The following ZDHHC19 variants were observed in gnomAD, a reference collection of about 807,000 sequenced individuals.
The protein encoded by ZDHHC19 is zDHHC palmitoyltransferase 19.
In ZDHHC19, 30 loss-of-function variants were observed where a neutral mutation model predicts 33.9. The observed-to-expected ratio is 0.88, with a 90% CI of 0.66 to 1.20. The LOEUF is 1.20. Among genes scored for constraint, ZDHHC19 ranks in the 50% most tolerant of loss-of-function variants. The pLI is 0.00. For synonymous variants in ZDHHC19, 178 were observed against 167.6 expected (o/e 1.06, Z -0.48); for missense variants, 364 against 401.1 (o/e 0.91, Z 0.79).
chr3:196,209,560 AC>A, intron 2 of ZDHHC19, 45 bp from the exon 3 acceptor site: 3 of 1,593,912 alleles, frequency 1.9e-6, no homozygotes, highest in Non-Finnish European at 2.6e-6. Context: ...CCCTGCGGTC[AC>A]CCCGCGGCGG....
intron 5 of ZDHHC19, among the ~76,000 whole-genome samples, chr3:196,200,542 G>T (rs1722230352): frequency 6.7e-6 from 1 of 149,622 alleles, no homozygotes; most frequent in East Asian, 1.9e-4. Context: ...TTTTAGTAGA[G>T]ACGGGGTTTC....
chr3:196,198,192 A>C, intron 7 of ZDHHC19, 84 bp downstream of exon 7: 1 of 1,302,686 alleles, frequency 7.7e-7, no homozygotes, highest in Non-Finnish European at 9.9e-7. Context: ...GCCAAACCTC[A>C]GGGGCCTCCC....
intron 5 of ZDHHC19, among the ~76,000 whole-genome samples, chr3:196,201,052 T>C (rs1205647922): frequency 6.6e-6 from 1 of 151,700 alleles, no homozygotes; most frequent in Non-Finnish European, 1.5e-5. Flanking sequence ...TGATCTTTAA[T>C]AAATTCATAA....
chr3:196,208,339 T>G, intron 4 of ZDHHC19, 49 bp downstream of exon 4: 1 of 1,128,036 alleles, frequency 8.9e-7, no homozygotes, highest in Non-Finnish European at 1.2e-6. Context: ...TGCAGCCCCC[T>G]CCTTGGCTGT....
At position 196,199,923 on chromosome 3, in the gene ZDHHC19, C is replaced by T. The variant is rs187300804; in HGVS notation, c.688-1049G>A. ...TCATGCCACTGCACTCCAGCCTGGG[C>T]GACAGAGCGACACTCTGGCTCAGAA... is the stretch of plus-strand genomic sequence containing the variant. On this transcript the variant is annotated intron_variant, in intron 5 of 7. Coordinates refer to ENST00000296326, the MANE Select transcript of ZDHHC19 (RefSeq NM_001039617.2). Among the ~76,000 whole-genome samples the T allele has an allele frequency of 1.1e-4, 16 of 150,790 alleles. 2 individuals carry two copies. The highest frequency in any genetic ancestry group is 1.2e-4 in the African/African-American group (5 of 40,936).
intron 5 of ZDHHC19, 183 bp from the exon 6 acceptor site, chr3:196,199,057 C>A (rs1220864873): frequency 1.7e-6 from 1 of 582,826 alleles, no homozygotes; most frequent in Non-Finnish European, 3.1e-6. Flanking sequence ...TTGGTCTCCA[C>A]TGGCCACACA....
rs1247418510 is a variant in ZDHHC19, at chr3:196,198,434, A to C, written c.791T>G (p.Val264Gly). 17 of 1,563,684 alleles carry C rather than the reference A, an allele frequency of 1.1e-5. No individual in the cohort carries two copies. Among genetic ancestry groups the C allele is most frequent in the Non-Finnish European group, 1.5e-5 (17 of 1,154,490 alleles). ...PLGPKYMAEA[V>G]QLQRVVGPDW... ...AGGCCCCACCACTCTCTGCAGCTGGACAGCTTCAGCCATGTACCTGGGGAG... is the reference window on the plus strand; with the variant it reads ...AGGCCCCACCACTCTCTGCAGCTGGCCAGCTTCAGCCATGTACCTGGGGAG... Residue 264 changes from valine to glycine, a missense_variant, in exon 7 of 8, where the codon GTC becomes GGC. By Grantham distance (109) the Val-to-Gly change is moderately radical. Coordinates refer to ENST00000296326, the MANE Select transcript of ZDHHC19 (RefSeq NM_001039617.2).
At chr3:196,204,714 T>A (rs1202201630) in intron 5 of ZDHHC19, among the ~76,000 whole-genome samples, 1 of 152,186 alleles carries the variant, frequency 6.6e-6, no homozygotes, top group Non-Finnish European at 1.5e-5. Flanking sequence ...ACATCAAACG[T>A]TCGTAAGGAT....
At chr3:196,202,175 G>A (rs1722406261) in intron 5 of ZDHHC19, among the ~76,000 whole-genome samples, 1 of 152,094 alleles carries the variant, frequency 6.6e-6, no homozygotes, top group African/African-American at 2.4e-5. Flanking sequence ...AAAATTTTTA[G>A]TAGGGTGTGG....
Position 196,209,475 on chromosome 3 carries a change from C to T in ZDHHC19, c.309G>A (p.Trp103Ter). The T allele has an allele frequency of 5.0e-6, 8 of 1,612,680 alleles. No homozygotes were observed. The highest frequency in any genetic ancestry group is 6.8e-6 in the Non-Finnish European group (8 of 1,179,642). The stretch of plus-strand genomic sequence containing the variant: ...GCAGGCGGAAGGCCCCGTGGTTCAC[C>T]CACACCACGTGCACCGTCAAGGGGC... Reference protein sequence around the residue: ...EQGPLTVHVVWVNHGAFRLQW... With the variant: ...EQGPLTVHVV Residue 103 changes from tryptophan to a stop codon, truncating the protein, a stop_gained, in exon 3 of 8, where the codon TGG becomes TGA. Coordinates refer to ENST00000296326, the MANE Select transcript of ZDHHC19 (RefSeq NM_001039617.2). LOFTEE classifies it high-confidence loss of function.
In ZDHHC19 at chr3:196,208,546, G is replaced by C; in HGVS notation, c.423C>G (p.His141Gln). 2 of 1,614,100 alleles carry C rather than the reference G, an allele frequency of 1.2e-6. No homozygotes were observed. The highest frequency in any genetic ancestry group is 1.7e-6 in the Non-Finnish European group (2 of 1,179,984). ...CGATGCAGTTATTGACCCACTTGCA[G>C]TGGTGGTCAAAGTCCTGGGCGACAG... The part of the protein sequence containing the change: ...CNICVEDFDH[H>Q]CKWVNNCIGH... The change falls in exon 4 of 8, where the codon CAC becomes CAG. Residue 141 changes from histidine to glutamine, a missense_variant. Coordinates refer to ENST00000296326, the MANE Select transcript of ZDHHC19 (RefSeq NM_001039617.2).
At position 196,211,317 on chromosome 3, in the gene ZDHHC19, G is replaced by A. The variant is rs1723290902; in HGVS notation, c.-2C>T. The A allele has an allele frequency of 6.2e-7, 1 of 1,606,502 alleles. No homozygotes were observed. Among genetic ancestry groups the A allele is most frequent in the Non-Finnish European group, 8.5e-7 (1 of 1,175,542 alleles). ...CGTGGCATCCGTTAAGAGTGTCATGGCTGGGCCTCCTTCGCCTCCAGGGGA... is the reference window on the plus strand; with the variant it reads ...CGTGGCATCCGTTAAGAGTGTCATGACTGGGCCTCCTTCGCCTCCAGGGGA... On this transcript the variant is annotated 5_prime_UTR_variant, in exon 1 of 8. Coordinates refer to ENST00000296326, the MANE Select transcript of ZDHHC19 (RefSeq NM_001039617.2).
At position 196,209,363 on chromosome 3, in the gene ZDHHC19, G is replaced by A. The variant is rs572644044; in HGVS notation, c.408+13C>T. 2 of 1,589,264 alleles carry A rather than the reference G, an allele frequency of 1.3e-6. No homozygotes were observed. The highest frequency in any genetic ancestry group is 2.7e-5 in the African/African-American group (2 of 74,554). ...TGGGGCGATGGCTGGTGGACAGGTAGAGGGGCACTCACCTCCACACAGATG... is the reference window on the plus strand; with the variant it reads ...TGGGGCGATGGCTGGTGGACAGGTAAAGGGGCACTCACCTCCACACAGATG... On this transcript the variant is annotated intron_variant, in intron 3 of 7. Transcript: ENST00000296326.
intron 5 of ZDHHC19, among the ~76,000 whole-genome samples, chr3:196,200,327 G>GATATATATATATATATATATGTAT (rs374551956): frequency 1.7e-5 from 2 of 116,798 alleles, no homozygotes; most frequent in African/African-American, 3.4e-5. Flanking sequence ...AAAATTTAGG[G>GATATATATATATATATATATGTAT]ATATATATAT....
At position 196,203,814 on chromosome 3, in the gene ZDHHC19, G is replaced by T. The variant is rs1722539119; in HGVS notation, c.687+3584C>A. ...GCTGATGAGGAAGGGCGGAGCTGGG[G>T]AGTCACAGGTGGGGGAGCCAAATAT... is the stretch of plus-strand genomic sequence containing the variant. On this transcript the variant is annotated intron_variant, in intron 5 of 7. Coordinates refer to ENST00000296326, the MANE Select transcript of ZDHHC19 (RefSeq NM_001039617.2). The surrounding 1 kb of genome is among the most constrained non-coding windows in gnomAD (Gnocchi z 4.3). Among the ~76,000 whole-genome samples the T allele has an allele frequency of 6.6e-6, 1 of 152,220 alleles. No homozygotes were observed. Among genetic ancestry groups the T allele is most frequent in the Non-Finnish European group, 1.5e-5 (1 of 68,032 alleles).
At chr3:196,209,250 G>A in intron 3 of ZDHHC19, 126 bp downstream of exon 3, 2 of 1,346,504 alleles carry the variant, frequency 1.5e-6, no homozygotes, top group Non-Finnish European at 2.0e-6. Context: ...GGGAGTTACT[G>A]CCACCCTTGG....
chr3:196,209,403 G>GTGGTAAGTCC lies in ZDHHC19; in HGVS notation c.371_380dup (p.His127GlnfsTer16). 1 of 1,605,900 alleles carries GTGGTAAGTCC rather than the reference G, an allele frequency of 6.2e-7. No homozygotes were observed. The highest frequency in any genetic ancestry group is 2.2e-5 in the East Asian group (1 of 44,572). ...CCACACAGATGTTGCACCAGGGGCA[G>GTGGTAAGTCC]TGGTAAGTCCGGGGCGGGCGGTGGA... On this transcript the variant is annotated frameshift_variant, in exon 3 of 8. Coordinates refer to ENST00000296326, the MANE Select transcript of ZDHHC19 (RefSeq NM_001039617.2). LOFTEE classifies it high-confidence loss of function.
chr3:196,200,521 A>G (rs944247929), intron 5 of ZDHHC19, among the ~76,000 whole-genome samples: 1 of 148,950 alleles, frequency 6.7e-6, no homozygotes, highest in South Asian at 2.1e-4. Flanking sequence ...CGCCCAGCTA[A>G]TTTTTTGTAT....
intron 4 of ZDHHC19, among the ~76,000 whole-genome samples, chr3:196,207,849 A>G (rs1399909219): frequency 2.4e-5 from 3 of 123,918 alleles, no homozygotes; most frequent in African/African-American, 9.0e-5. Flanking sequence ...CCCCCTTGAA[A>G]GCCTGACTCC....
Sources: allele counts gnomAD v4.1 joint callset (sites outside exome capture counted in the v4.1 genomes callset), GRCh38; gene constraint gnomAD v4.1.1; non-coding constraint Gnocchi (gnomAD v3.1); transcripts MANE v1.5; gene names NCBI Gene and HGNC (gene_info 2026-07-23, HGNC 2026-07-21).